Variants in PTPRA observed in about 807,000 individuals in gnomAD.
PTPRA encodes the protein protein tyrosine phosphatase receptor type A.
Under a neutral mutation model 104.8 loss-of-function variants are expected in PTPRA, and 25 were observed. That is an observed-to-expected ratio of 0.24 (90% CI 0.17 to 0.33). PTPRA has a LOEUF of 0.33. Ranked by LOEUF, PTPRA falls within the 10% of genes least tolerant of loss-of-function variation. The probability of loss-of-function intolerance (pLI) is 1.00; values close to 1 mark genes in which losing one functional copy is unlikely to be tolerated. For missense variants in PTPRA, 765 were observed against 1,015.3 expected, an observed-to-expected ratio of 0.75 and a Z score of 3.35; for synonymous variants, 323 against 368.9, an observed-to-expected ratio of 0.88 and a Z score of 1.43.
In PTPRA at chr20:2,973,617, C is replaced by T. The variant is rs117393222; in HGVS notation, c.416-1598C>T. ...TATCTGTTTGGTTAGAGATAGTTCTCACCATTGGGTTCTAGTTCCAACCAC... is the reference window on the plus strand; with the variant it reads ...TATCTGTTTGGTTAGAGATAGTTCTTACCATTGGGTTCTAGTTCCAACCAC... On this transcript the variant is annotated intron_variant, in intron 5 of 23. Coordinates refer to ENST00000399903, the MANE Select transcript of PTPRA (RefSeq NM_001385305.1). Among the ~76,000 whole-genome samples, 132 of 152,258 alleles carry T rather than the reference C, an allele frequency of 8.7e-4. No individual in the cohort carries two copies. The East Asian group carries it at 0.024, about 28-fold the overall frequency.
At chr20:2,960,391 A>G (rs1175615932) in intron 3 of PTPRA, among the ~76,000 whole-genome samples, 2 of 151,682 alleles carry the variant, frequency 1.3e-5, no homozygotes, top group African/African-American at 4.8e-5. Flanking sequence ...CTGGGACTAC[A>G]GGTGCCCGCC....
rs1429586914 is a variant in PTPRA at position 3,010,621 on chromosome 20, C to CT, written c.906+3202dup. The stretch of plus-strand genomic sequence containing the variant: ...CCAGCCTGGGCGACAGAGCGAGACT[C>CT]TGTCTCAAAAAAAATAAATAAATAA... On this transcript the variant is annotated intron_variant, in intron 11 of 23. Transcript: ENST00000399903. Among the ~76,000 whole-genome samples the CT allele has an allele frequency of 5.1e-4, 78 of 151,946 alleles. 1 individual carries two copies. The South Asian group carries it at 0.016, about 30-fold the overall frequency.
chr20:2,969,073 G>A (rs759168323), intron 5 of PTPRA, among the ~76,000 whole-genome samples: 5 of 151,872 alleles, frequency 3.3e-5, no homozygotes, highest in African/African-American at 4.8e-5. Flanking sequence ...TTAGTCAAAC[G>A]TGTTGGCATA....
At chr20:2,960,111 A>G (rs1165015739) in intron 3 of PTPRA, among the ~76,000 whole-genome samples, 1 of 152,180 alleles carries the variant, frequency 6.6e-6, no homozygotes, top group Non-Finnish European at 1.5e-5. Context: ...TTGGTGTTGT[A>G]CATTCTGTAG....
chr20:2,874,230 C>CT (rs1236790078), intron 1 of PTPRA, among the ~76,000 whole-genome samples: 2 of 152,044 alleles, frequency 1.3e-5, no homozygotes, highest in Non-Finnish European at 2.9e-5. Flanking sequence ...CCTTGCCGCC[C>CT]TCTCCCAACT....
rs371959173 is a variant in PTPRA, at chr20:2,986,873, T to C, written c.527+24T>C. ...AGGTGAGCCTACTAACACTTCACAT[T>C]CTCTTAGATTCTGTTTCAATATCCC... On this transcript the variant is annotated intron_variant, in intron 7 of 23. Transcript: ENST00000399903. The C allele has an allele frequency of 4.0e-4, 631 of 1,559,698 alleles. 1 individual carries two copies. The highest frequency in any genetic ancestry group is 4.9e-4 in the Non-Finnish European group (553 of 1,130,726).
intron 2 of PTPRA, among the ~76,000 whole-genome samples, chr20:2,928,926 T>C (rs543055513): frequency 1.3e-5 from 2 of 150,360 alleles, no homozygotes; most frequent in African/African-American, 4.9e-5. Context: ...AGCTCCCAGG[T>C]TCAAGCAATC....
At chr20:2,910,587 TTG>T (rs1490914296) in intron 1 of PTPRA, among the ~76,000 whole-genome samples, 1 of 97,850 alleles carries the variant, frequency 1.0e-5, no homozygotes, top group African/African-American at 5.6e-5. Flanking sequence ...AGTTTTTTTT[TTG>T]TTTTTTTTTT....
In PTPRA at chr20:3,037,688, TAAAGA is replaced by T. The variant is rs2065870414; in HGVS notation, c.2335-366_2335-362del. On this transcript the variant is annotated intron_variant, in intron 23 of 23. Coordinates refer to ENST00000399903, the MANE Select transcript of PTPRA (RefSeq NM_001385305.1). This position sits in a 1 kb window ranked among gnomAD's most constrained non-coding sequence, Gnocchi z 4.3. ...CATGGAGCTAGAAATGTTTGGGGGG[TAAAGA>T]AAAGTGAATGTTAGGAGGTTTGGGA... Among the ~76,000 whole-genome samples, 1 of 151,792 alleles carries T rather than the reference TAAAGA, an allele frequency of 6.6e-6. No homozygotes were observed. Among genetic ancestry groups the T allele is most frequent in the Non-Finnish European group, 1.5e-5 (1 of 67,956 alleles).
At chr20:2,942,795 A>C (rs1005030069) in intron 2 of PTPRA, among the ~76,000 whole-genome samples, 4 of 151,592 alleles carry the variant, frequency 2.6e-5, no homozygotes, top group Non-Finnish European at 5.9e-5. Context: ...TTAATATGAC[A>C]TATAATATAA....
At chr20:2,983,977 G>A (rs1232464435) in intron 6 of PTPRA, among the ~76,000 whole-genome samples, 1 of 151,952 alleles carries the variant, frequency 6.6e-6, no homozygotes, top group Non-Finnish European at 1.5e-5. Context: ...GAGATCTGGT[G>A]TTGGAAGAGG....
intron 3 of PTPRA, among the ~76,000 whole-genome samples, chr20:2,956,032 C>T (rs1006380329): frequency 3.3e-5 from 5 of 152,184 alleles, no homozygotes; most frequent in Non-Finnish European, 5.9e-5. Flanking sequence ...AGTTAGACAT[C>T]TGGGCCTTGC....
At chr20:3,031,696 C>T (rs918587620) in intron 20 of PTPRA, among the ~76,000 whole-genome samples, 1 of 152,142 alleles carries the variant, frequency 6.6e-6, no homozygotes, top group African/African-American at 2.4e-5. Flanking sequence ...TTGTCTTCAT[C>T]AAGTCCTTAG....
chr20:2,867,748 G>A, the PTPRA span, among the ~76,000 whole-genome samples: 1 of 152,182 alleles, frequency 6.6e-6, no homozygotes, highest in Non-Finnish European at 1.5e-5. Context: ...GGCCTCACTG[G>A]AGCTTCAGGC....
intron 5 of PTPRA, among the ~76,000 whole-genome samples, chr20:2,969,527 GA>G (rs1446422530): frequency 6.6e-6 from 1 of 151,640 alleles, no homozygotes; most frequent in Non-Finnish European, 1.5e-5. Flanking sequence ...TTACAGGCGT[GA>G]GCCACTGCGC....
intron 5 of PTPRA, among the ~76,000 whole-genome samples, chr20:2,968,446 T>TTAGATCAAGGCCCTTTAGAGCCTTTAGA (rs1347060817): frequency 2.0e-5 from 3 of 152,006 alleles, no homozygotes; most frequent in African/African-American, 7.3e-5. Context: ...GCCTTGATCT[T>TTAGATCAAGGCCCTTTAGAGCCTTTAGA]GCATTTCTGA....
intron 9 of PTPRA, among the ~76,000 whole-genome samples, chr20:2,989,793 G>A (rs928868356): frequency 1.1e-4 from 16 of 152,168 alleles, no homozygotes; most frequent in East Asian, 7.8e-4. Flanking sequence ...CAAGGCGGGC[G>A]GATCACAAGG....
intron 2 of PTPRA, among the ~76,000 whole-genome samples, chr20:2,926,769 CTTTTTTT>C (rs777386962): frequency 7.2e-4 from 61 of 85,030 alleles, no homozygotes; most frequent in Non-Finnish European, 8.8e-4. Flanking sequence ...TTTCCTTTTC[CTTTTTTT>C]TTTTTTTTTT....
rs532710451 is a variant in PTPRA at position 3,022,413 on chromosome 20, C to A, written c.1328+193C>A. ...TATGACTTGAGGAAGGAGGGTAGGG[C>A]AGTCCTCCAAGATTAGGAGTTGGGA... is the stretch of plus-strand genomic sequence containing the variant. On this transcript the variant is annotated intron_variant, in intron 15 of 23. Transcript: ENST00000399903. This position sits in a 1 kb window ranked among gnomAD's most constrained non-coding sequence, Gnocchi z 4.6. 3.3e-5 allele frequency among the ~76,000 whole-genome samples: 5 copies of A among 152,320 alleles called. No homozygotes were observed. The highest frequency in any genetic ancestry group is 9.6e-5 in the African/African-American group (4 of 41,570).
Sources: allele counts gnomAD v4.1 joint callset (sites outside exome capture counted in the v4.1 genomes callset), GRCh38; gene constraint gnomAD v4.1.1; non-coding constraint Gnocchi (gnomAD v3.1); transcripts MANE v1.5; gene names NCBI Gene and HGNC (gene_info 2026-07-23, HGNC 2026-07-21).